The following ELAVL4 variants were observed in gnomAD, a reference collection of about 807,000 sequenced individuals.
ELAVL4 encodes the protein ELAV like RNA binding protein 4, also known as ELAV-like protein 4.
ELAVL4 carries 1 observed loss-of-function variant against 35.6 expected under a neutral mutation model. That is an observed-to-expected ratio of 0.03 (90% CI 0.01 to 0.13). The LOEUF (loss-of-function observed/expected upper bound fraction) is 0.13, where lower values mean the gene tolerates loss of function less well. Ranked by LOEUF, ELAVL4 falls within the 10% of genes least tolerant of loss-of-function variation. ELAVL4 has a pLI of 1.00. For synonymous variants in ELAVL4, 156 were observed against 171.0 expected (o/e 0.91, Z 0.69); for missense variants, 267 against 464.9 (o/e 0.57, Z 3.91).
intron 1 of ELAVL4, among the ~76,000 whole-genome samples, chr1:50,117,353 C>T (rs1023482307): frequency 6.6e-6 from 1 of 152,112 alleles, no homozygotes; most frequent in Non-Finnish European, 1.5e-5. Flanking sequence ...GTTGGCAAGG[C>T]TATCTCAGAG....
At chr1:50,063,148 G>A (rs151317401) in intron 1 of ELAVL4, among the ~76,000 whole-genome samples, 1 of 152,164 alleles carries the variant, frequency 6.6e-6, no homozygotes, top group South Asian at 2.1e-4. Flanking sequence ...CTACAAAATG[G>A]CACACTGTCA....
intron 3 of ELAVL4, among the ~76,000 whole-genome samples, chr1:50,182,983 G>A (rs971257039): frequency 5.3e-5 from 8 of 151,202 alleles, no homozygotes; most frequent in Non-Finnish European, 1.0e-4. Flanking sequence ...TCAGCCTCCC[G>A]AGTAGCTGGG....
intron 2 of ELAVL4, among the ~76,000 whole-genome samples, chr1:50,152,021 CAG>C (rs150179836): frequency 0.05 from 7,667 of 152,176 alleles, 655 homozygotes; most frequent in African/African-American, 0.18. Flanking sequence ...CAGGGGGAAT[CAG>C]AGACTTTCCA....
At position 50,094,942 on chromosome 1, in the gene ELAVL4, AT is replaced by A. The variant is rs761320092; in HGVS notation, c.18+46761del. Among the ~76,000 whole-genome samples, 27 of 152,160 alleles carry A rather than the reference AT, an allele frequency of 1.8e-4. 1 individual carries two copies. The highest frequency in any genetic ancestry group is 9.7e-4 in the East Asian group (5 of 5,176). ...GAGACTCCATCTCAAAAATAAAAAA[AT>A]AATAATAAAAAAAATTATTCGGAGG... is the stretch of plus-strand genomic sequence containing the variant. On this transcript the variant is annotated intron_variant, in intron 1 of 6. Coordinates refer to the ELAVL4 transcript ENST00000448907.
intron 4 of ELAVL4, among the ~76,000 whole-genome samples, chr1:50,194,871 G>A (rs989772235): frequency 6.6e-5 from 10 of 152,112 alleles, no homozygotes; most frequent in African/African-American, 2.4e-4. Flanking sequence ...AAGTGGAGAG[G>A]AGAGCATATC....
intron 1 of ELAVL4, among the ~76,000 whole-genome samples, chr1:50,073,089 A>G (rs1664603965): frequency 6.6e-6 from 1 of 152,206 alleles, no homozygotes; most frequent in Admixed American, 6.5e-5. Flanking sequence ...TTGAGTTGCA[A>G]GGTAGAAGCT....
intron 2 of ELAVL4, among the ~76,000 whole-genome samples, chr1:50,168,409 A>G (rs984593355): frequency 6.6e-6 from 1 of 152,180 alleles, no homozygotes; most frequent in African/African-American, 2.4e-5. Context: ...GTTGCGGGTC[A>G]GCCACTCACA....
rs1376056814 is a variant in ELAVL4, at chr1:50,202,185, CA to C, written c.*1008del. 6.6e-6 allele frequency: 1 copy of C among 152,050 alleles called. No individual in the cohort carries two copies. Among genetic ancestry groups the C allele is most frequent in the Non-Finnish European group, 1.5e-5 (1 of 68,000 alleles). The allele number at this position is 152,050 out of a possible 1,614,324, so 9.4% of individuals were successfully genotyped here. A position where few individuals can be genotyped will look rare whatever the true frequency, so the allele number is the denominator to read the frequency against. ...AGGGGAAAGGAGTGTTCGTTCTACC[CA>C]GGGTACCACAGTTCCCCACAGTCAA... On this transcript the variant is annotated 3_prime_UTR_variant, in exon 7 of 7. Transcript: ENST00000371824.
intron 2 of ELAVL4, among the ~76,000 whole-genome samples, chr1:50,170,389 C>T (rs1678784842): frequency 6.6e-6 from 1 of 152,076 alleles, no homozygotes; most frequent in Non-Finnish European, 1.5e-5. Flanking sequence ...GAGAGCTTTC[C>T]CATCAGAGCT....
intron 1 of ELAVL4, among the ~76,000 whole-genome samples, chr1:50,051,318 G>A (rs1449882995): frequency 6.6e-6 from 1 of 151,980 alleles, no homozygotes; most frequent in East Asian, 1.9e-4. Context: ...TAGTTTCTCA[G>A]CCTATAGTAG....
intron 1 of ELAVL4, among the ~76,000 whole-genome samples, chr1:50,091,125 C>T (rs773842341): frequency 7.2e-5 from 11 of 152,110 alleles, no homozygotes; most frequent in Non-Finnish European, 1.0e-4. Context: ...TCTGAATTTC[C>T]GGTGACTTAA....
At chr1:50,139,501 C>G (rs1250469250) in intron 1 of ELAVL4, among the ~76,000 whole-genome samples, 1 of 152,188 alleles carries the variant, frequency 6.6e-6, no homozygotes, top group African/African-American at 2.4e-5. Flanking sequence ...AGGGTCTGCT[C>G]TTTGTCTTTG....
intron 1 of ELAVL4, among the ~76,000 whole-genome samples, chr1:50,062,166 T>A (rs1194178355): frequency 1.3e-5 from 2 of 152,182 alleles, no homozygotes; most frequent in South Asian, 2.1e-4. Flanking sequence ...GCTAGAAGTA[T>A]ATAGATGAAT....
At chr1:50,153,019 C>T (rs1255823980) in intron 2 of ELAVL4, among the ~76,000 whole-genome samples, 1 of 152,170 alleles carries the variant, frequency 6.6e-6, no homozygotes, top group Non-Finnish European at 1.5e-5. Flanking sequence ...ATAGTTTGTG[C>T]CCATGTGTTG....
At chr1:50,106,914 A>G (rs1666373860), upstream of ELAVL4, among the ~76,000 whole-genome samples, 1 of 152,234 alleles carries the variant, frequency 6.6e-6, no homozygotes. Flanking sequence ...ATGGTTCAAT[A>G]AGTGTACTGA....
At chr1:50,135,525 A>C (rs369799158) in intron 1 of ELAVL4, among the ~76,000 whole-genome samples, 9 of 152,278 alleles carry the variant, frequency 5.9e-5, no homozygotes, top group African/African-American at 1.7e-4. Context: ...TCCCAGCTTC[A>C]ACCCTCTACA....
intron 3 of ELAVL4, among the ~76,000 whole-genome samples, chr1:50,177,882 G>A (rs1480489352): frequency 6.6e-6 from 1 of 152,188 alleles, no homozygotes; most frequent in African/African-American, 2.4e-5. Context: ...AATATCTCAG[G>A]AAGGGTTGTT....
intron 2 of ELAVL4, among the ~76,000 whole-genome samples, chr1:50,147,539 C>T (rs1673938066): frequency 6.6e-6 from 1 of 152,022 alleles, no homozygotes; most frequent in Non-Finnish European, 1.5e-5. Context: ...GGAGGACCTC[C>T]CCGAGGCCAA....
At chr1:50,123,252 C>T (rs1043592558) in intron 1 of ELAVL4, among the ~76,000 whole-genome samples, 29 of 152,162 alleles carry the variant, frequency 1.9e-4, no homozygotes, top group Middle Eastern at 3.4e-3. Flanking sequence ...TTACCTTATA[C>T]AGTAGTTGCT....
Sources: gnomAD v4.1 joint callset for allele counts (sites outside exome capture counted in the v4.1 genomes callset) on GRCh38, gnomAD v4.1.1 for gene constraint, MANE v1.5 for transcripts, NCBI Gene and HGNC (gene_info 2026-07-23, HGNC 2026-07-21) for gene names.